NIN: variants seen among roughly 807,000 people sequenced by gnomAD.
NIN encodes the protein glycogen synthase kinase 3 beta-interacting protein.
In NIN, 137 loss-of-function variants were observed where a neutral mutation model predicts 257.6. That is an observed-to-expected ratio of 0.53 (90% CI 0.46 to 0.61). NIN has a LOEUF of 0.61. Ranked by LOEUF, NIN falls within the 20% of genes least tolerant of loss-of-function variation. The pLI, the probability that NIN is intolerant of heterozygous loss-of-function variation, is 0.00. For synonymous variants in NIN, 918 were observed against 919.8 expected (o/e 1.00, Z 0.04); for missense variants, 2,439 against 2,501.2 (o/e 0.98, Z 0.53).
chr14:50,823,640 C>G (rs2045334946), intron 2 of NIN: 1 of 165,660 alleles, frequency 6.0e-6, no homozygotes. Flanking sequence ...TAAATGTGAA[C>G]AGCTCTGCCA....
At chr14:50,738,486 C>T (rs1185412655) in intron 26 of NIN, among the ~76,000 whole-genome samples, 200 bp from the exon 27 acceptor site, 2 of 152,126 alleles carry the variant, frequency 1.3e-5, no homozygotes, top group African/African-American at 4.8e-5. Context: ...TCTGCAAACC[C>T]AGGACTGTAG....
At chr14:50,741,499 C>A in intron 25 of NIN, 83 bp downstream of exon 25, 1 of 1,023,306 alleles carries the variant, frequency 9.8e-7, no homozygotes, top group Admixed American at 2.7e-5. Context: ...CATACATATA[C>A]ACATAAAAAT....
chr14:50,793,407 A>T (rs574219217), intron 4 of NIN, among the ~76,000 whole-genome samples: 8 of 152,064 alleles, frequency 5.3e-5, no homozygotes, highest in Non-Finnish European at 1.2e-4. Flanking sequence ...AGATGACAAA[A>T]CAAAGAAACG....
At chr14:50,784,082 ACT>A (rs1171853200) in intron 5 of NIN, among the ~76,000 whole-genome samples, 1 of 152,164 alleles carries the variant, frequency 6.6e-6, no homozygotes, top group African/African-American at 2.4e-5. Context: ...TAAACATAAA[ACT>A]CATCCTGTGG....
intron 4 of NIN, among the ~76,000 whole-genome samples, chr14:50,793,725 T>TCACCACCAC (rs202080296): frequency 6.6e-6 from 1 of 152,032 alleles, no homozygotes; most frequent in Non-Finnish European, 1.5e-5. Context: ...ACCACTGCCA[T>TCACCACCAC]CACCACCACC....
rs2040257383 is a variant in NIN, at chr14:50,720,849, TGAAAC to T, written c.*2609_*2613del. The T allele has an allele frequency of 5.0e-6, 1 of 199,404 alleles. No individual in the cohort carries two copies. Among genetic ancestry groups the T allele is most frequent in the Admixed American group, 6.0e-5 (1 of 16,608 alleles). The allele number at this position is 199,404 out of a possible 1,614,324, so 12.4% of individuals were successfully genotyped here. A position where few individuals can be genotyped will look rare whatever the true frequency, so the allele number is the denominator to read the frequency against. ...AAAGGCAAACTTGATTCCCTTTTCT[TGAAAC>T]GAAGATCCCATCTTCTGAGACGATC... On this transcript the variant is annotated 3_prime_UTR_variant, in exon 31 of 31. Transcript: ENST00000530997.
chr14:50,774,958 A>G (rs2141845533), intron 7 of NIN, among the ~76,000 whole-genome samples: 1 of 152,344 alleles, frequency 6.6e-6, no homozygotes, highest in East Asian at 1.9e-4. Flanking sequence ...TTATTCTTAC[A>G]TGGACCAGGT....
chr14:50,736,140 CT>C (rs757965644), intron 27 of NIN, among the ~76,000 whole-genome samples: 22 of 147,856 alleles, frequency 1.5e-4, no homozygotes, highest in African/African-American at 2.5e-4. Flanking sequence ...TCGTGAGTAC[CT>C]TTTTTTTTTG....
chr14:50,831,101 C>G lies in NIN; in HGVS notation c.-171G>C, dbSNP rs1207277867. 1 of 149,742 alleles carries G rather than the reference C, an allele frequency of 6.7e-6. No homozygotes were observed. The highest frequency in any genetic ancestry group is 2.4e-5 in the African/African-American group (1 of 41,166). 9.3% of individuals were successfully genotyped at this position (149,742 alleles called of 1,614,324 possible). On this transcript the variant is annotated 5_prime_UTR_variant, in exon 1 of 31. Coordinates refer to ENST00000530997, the MANE Select transcript of NIN (RefSeq NM_020921.4). ...GCGGCAGCGGGACGGCCGCGCCCAG[C>G]GCGCTCGGCTCCCGGCTCGGCCGCG...
chr14:50,768,792 T>C (rs2042609286), intron 12 of NIN, among the ~76,000 whole-genome samples: 1 of 151,940 alleles, frequency 6.6e-6, no homozygotes, highest in Non-Finnish European at 1.5e-5. Flanking sequence ...CATATGGAGG[T>C]GGAAGAGATG....
rs1566771217 is a variant in NIN at position 50,726,006 on chromosome 14, G to C, written c.6139C>G (p.Leu2047Val). The C allele has an allele frequency of 6.2e-7, 1 of 1,613,942 alleles. No individual in the cohort carries two copies. Among genetic ancestry groups the C allele is most frequent in the Admixed American group, 1.7e-5 (1 of 60,002 alleles). ...TGAAGAAGCCTTTTCACTAGTTTCA[G>C]TTTCTGTTCAACTTCTATCATTCGT... ...EERMIEVEQK[L>V]KLVKRLLQEK... is the part of the protein sequence containing the mutation. The change falls in exon 30 of 31, where the codon CTG becomes GTG. Residue 2047 changes from leucine to valine, a missense_variant. Transcript: ENST00000530997.
rs142336154 is a variant in NIN at position 50,765,444 on chromosome 14, G to A, written c.1635+863C>T. Reference sequence around the variant, plus strand: ...TATTTCCTGAAAAGGAGGGCTGCAAGTAACTTCATAATATGATTGTTTTAC... The same window carrying A: ...TATTTCCTGAAAAGGAGGGCTGCAAATAACTTCATAATATGATTGTTTTAC... On this transcript the variant is annotated intron_variant, in intron 14 of 30. Transcript: ENST00000530997. 2.0e-5 allele frequency among the ~76,000 whole-genome samples: 3 copies of A among 152,292 alleles called. No individual in the cohort carries two copies. The East Asian group carries it at 5.8e-4, about 29-fold the overall frequency.
intron 29 of NIN, among the ~76,000 whole-genome samples, chr14:50,726,721 GAGTA>G (rs1338333935): frequency 1.3e-5 from 2 of 152,182 alleles, no homozygotes; most frequent in African/African-American, 2.4e-5. Context: ...ATGGGTTAAG[GAGTA>G]AGTGAGTTTT....
At chr14:50,742,252 C>G (rs1363387987) in intron 24 of NIN, 1 of 152,142 alleles carries the variant, frequency 6.6e-6, no homozygotes, top group East Asian at 1.9e-4. Context: ...CCCATCTCTA[C>G]CAAAAATAAA....
intron 9 of NIN, 26 bp from the exon 10 acceptor site, chr14:50,771,494 T>C (rs746134302): frequency 2.5e-6 from 4 of 1,610,822 alleles, no homozygotes; most frequent in Non-Finnish European, 3.4e-6. Flanking sequence ...AGGCGTAAAT[T>C]CAAAAACAAA....
intron 22 of NIN, among the ~76,000 whole-genome samples, chr14:50,747,384 G>GTGAC (rs1466420950): frequency 6.6e-6 from 1 of 152,138 alleles, no homozygotes; most frequent in Non-Finnish European, 1.5e-5. Context: ...ACCTGGCTGG[G>GTGAC]TGACAGAACA....
At chr14:50,810,245 A>AG (rs2044529333) in intron 3 of NIN, among the ~76,000 whole-genome samples, 2 of 152,012 alleles carry the variant, frequency 1.3e-5, no homozygotes, top group South Asian at 2.1e-4. Context: ...AAAAAAAAAA[A>AG]AAAGAAAATG....
intron 13 of NIN, 141 bp from the exon 14 acceptor site, chr14:50,766,537 T>C (rs936192581): frequency 4.0e-6 from 3 of 742,504 alleles, no homozygotes; most frequent in Admixed American, 2.1e-5. Flanking sequence ...CAACACCAAC[T>C]GGGTGATGGG....
At chr14:50,794,044 T>C (rs373790741) in intron 4 of NIN, among the ~76,000 whole-genome samples, 12 of 152,212 alleles carry the variant, frequency 7.9e-5, no homozygotes, top group African/African-American at 2.4e-4. Flanking sequence ...TGTACACGTA[T>C]TATAAAAACG....
Sources: allele counts gnomAD v4.1 joint callset (sites outside exome capture counted in the v4.1 genomes callset), GRCh38; gene constraint gnomAD v4.1.1; transcripts MANE v1.5; gene names NCBI Gene and HGNC (gene_info 2026-07-23, HGNC 2026-07-21).